The following HERC2 variants were observed in gnomAD, a reference collection of about 807,000 sequenced individuals.
HERC2 encodes E3 ubiquitin-protein ligase HERC2.
A neutral mutation model predicts 537.7 loss-of-function variants in HERC2; 102 were observed. The observed-to-expected ratio is 0.19, with a 90% CI of 0.16 to 0.22. The LOEUF is 0.22. HERC2 is among the 10% of genes least tolerant of loss of function. HERC2 has a pLI of 1.00. For synonymous variants in HERC2, 2,224 were observed against 2,466.2 expected (o/e 0.90, Z 2.91); for missense variants, 4,236 against 6,198.2 (o/e 0.68, Z 10.63).
At position 28,214,288 on chromosome 15, in the gene HERC2, G is replaced by A. The variant is rs1321501641; in HGVS notation, c.6359-16C>T. The A allele has an allele frequency of 1.2e-6, 2 of 1,606,460 alleles. No homozygotes were observed. The highest frequency in any genetic ancestry group is 1.7e-6 in the Non-Finnish European group (2 of 1,175,140). On this transcript the variant is annotated splice_polypyrimidine_tract_variant and intron_variant, in intron 40 of 92. Coordinates refer to ENST00000261609, the MANE Select transcript of HERC2 (RefSeq NM_004667.6). ...AGCGTGGACTCTGAGGAGGAAACCA[G>A]GGGAGAAGCTGCTGCACCGCTCTTC...
At chr15:28,145,122 C>T (rs1233597715) in intron 71 of HERC2, among the ~76,000 whole-genome samples, 2 of 152,236 alleles carry the variant, frequency 1.3e-5, no homozygotes, top group Non-Finnish European at 2.9e-5. Flanking sequence ...AGTGAGTGGC[C>T]TCCAGGTGTC....
chr15:28,202,056 T>C lies in HERC2; in HGVS notation c.7617+57A>G, dbSNP rs1357193110. 22 of 945,880 alleles carry C rather than the reference T, an allele frequency of 2.3e-5. No individual in the cohort carries two copies. The Admixed American group carries it at 2.7e-4, about 12-fold the overall frequency. 58.6% of individuals were successfully genotyped at this position (945,880 alleles called of 1,614,324 possible). A position where few individuals can be genotyped will look rare whatever the true frequency, so the allele number is the denominator to read the frequency against. On this transcript the variant is annotated intron_variant, in intron 47 of 92. Transcript: ENST00000261609. ...CAGAGAAAGCCAAGGTGTAAGACTGTTAGAGCGCTAGACGGACAGCGGCCC... is the reference window on the plus strand; with the variant it reads ...CAGAGAAAGCCAAGGTGTAAGACTGCTAGAGCGCTAGACGGACAGCGGCCC...
intron 83 of HERC2, among the ~76,000 whole-genome samples, chr15:28,129,388 TAG>T (rs1195924748): frequency 2.6e-5 from 4 of 152,088 alleles, no homozygotes; most frequent in Non-Finnish European, 5.9e-5. Context: ...GGAAGCTGGG[TAG>T]AGACTCCAGG....
chr15:28,121,372 G>A lies in HERC2; in HGVS notation c.13246C>T (p.Pro4416Ser). 1 of 1,614,146 alleles carries A rather than the reference G, an allele frequency of 6.2e-7. No individual in the cohort carries two copies. Among genetic ancestry groups the A allele is most frequent in the Non-Finnish European group, 8.5e-7 (1 of 1,180,026 alleles). Residue 4416 changes from proline to serine, a missense_variant, in exon 86 of 93, where the codon CCC becomes TCC. Pro to Ser is a moderately conservative substitution (Grantham distance 74). Transcript: ENST00000261609. ...TGGATGCGGTTCAGCTCCACGACGG[G>A]GCCATGCTGACGATCGCGTACCATA... ...ATMVRDRQHG[P>S]VVELNRIQVK...
chr15:28,122,100 A>G lies in HERC2; in HGVS notation c.13189-671T>C, dbSNP rs1888972780. 1.2e-5 allele frequency among the ~76,000 whole-genome samples: 1 copy of G among 81,090 alleles called. No homozygotes were observed. The highest frequency in any genetic ancestry group is 5.2e-5 in the African/African-American group (1 of 19,120). The allele number at this position is 81,090 out of a possible 152,430, so 53.2% of individuals were successfully genotyped here. A position where few individuals can be genotyped will look rare whatever the true frequency, so the allele number is the denominator to read the frequency against. ...GCCAGACCTTGGATCGGGACAGAAA[A>G]GACAGACCGGGGAGGGGAAACAAGG... On this transcript the variant is annotated intron_variant, in intron 85 of 92. Coordinates refer to ENST00000261609, the MANE Select transcript of HERC2 (RefSeq NM_004667.6). This position sits in a 1 kb window ranked among gnomAD's most constrained non-coding sequence, Gnocchi z 4.1.
intron 69 of HERC2, 93 bp from the exon 70 acceptor site, chr15:28,152,923 A>T (rs553267254): frequency 7.7e-7 from 1 of 1,292,528 alleles, no homozygotes; most frequent in East Asian, 2.5e-5. Context: ...CAGGAGCTCC[A>T]CAAGGACAGC....
At position 28,280,139 on chromosome 15, in the gene HERC2, G is replaced by A. The variant is rs147680647; in HGVS notation, c.471C>T (p.Thr157=). 1.2e-4 allele frequency: 196 copies of A among 1,614,102 alleles called. No homozygotes were observed. In the African/African-American group the frequency reaches 2.2e-3, roughly 18 times the overall value. Reference sequence around the variant, plus strand: ...TAACTTTGACATTCTCCTGAAAAACGGTTCTATTCAAGGCAATGAAATAGC... The same window carrying A: ...TAACTTTGACATTCTCCTGAAAAACAGTTCTATTCAAGGCAATGAAATAGC... The part of the protein sequence containing the change: ...LERYFIALNR[T]VFQENVKVKW... Residue 157 remains threonine, a synonymous_variant, in exon 5 of 93, where the codon ACC becomes ACT. Coordinates refer to ENST00000261609, the MANE Select transcript of HERC2 (RefSeq NM_004667.6).
chr15:28,254,916 G>A (rs1338656555), intron 19 of HERC2, among the ~76,000 whole-genome samples: 1 of 152,198 alleles, frequency 6.6e-6, no homozygotes, highest in Admixed American at 6.6e-5. Flanking sequence ...AAGCCACTTG[G>A]GGAAACTATG....
Position 28,113,743 on chromosome 15 carries a change from A to G in HERC2, c.13914-65T>C. The G allele has an allele frequency of 7.4e-7, 1 of 1,343,230 alleles. No individual in the cohort carries two copies. The highest frequency in any genetic ancestry group is 2.4e-5 in the East Asian group (1 of 42,278). The allele number at this position is 1,343,230 out of a possible 1,614,324, so 83.2% of individuals were successfully genotyped here. A position where few individuals can be genotyped will look rare whatever the true frequency, so the allele number is the denominator to read the frequency against. On this transcript the variant is annotated intron_variant, in intron 90 of 92. Transcript: ENST00000261609. This position sits in a 1 kb window ranked among gnomAD's most constrained non-coding sequence, Gnocchi z 7.0. ...ACACTGACTTTATGCTGCTCACACC[A>G]AGCCTTGGCATGCAGCACTGTGGCC...
At chr15:28,303,520 T>C (rs1419305819) in intron 2 of HERC2, among the ~76,000 whole-genome samples, 5 of 152,254 alleles carry the variant, frequency 3.3e-5, no homozygotes, top group Admixed American at 6.5e-5. Context: ...AGGATGGCTT[T>C]GGCTATTCTG....
intron 44 of HERC2, among the ~76,000 whole-genome samples, chr15:28,210,049 G>A (rs866587280): frequency 7.8e-6 from 1 of 128,588 alleles, no homozygotes; most frequent in Non-Finnish European, 1.6e-5. Flanking sequence ...TGCAACCTCC[G>A]CCCCCCGGTT....
intron 53 of HERC2, among the ~76,000 whole-genome samples, chr15:28,191,587 C>T (rs931908014): frequency 2.0e-5 from 3 of 152,166 alleles, no homozygotes; most frequent in Non-Finnish European, 2.9e-5. Context: ...GGTGCCTCCA[C>T]GCGTTGGTGT....
intron 75 of HERC2, 44 bp from the exon 76 acceptor site, chr15:28,142,437 C>T: frequency 6.3e-7 from 1 of 1,589,436 alleles, no homozygotes; most frequent in East Asian, 2.3e-5. Flanking sequence ...CTCAGAAATG[C>T]AGTGAACAGG....
intron 3 of HERC2, among the ~76,000 whole-genome samples, chr15:28,294,200 G>C (rs558869648): frequency 1.3e-4 from 20 of 152,218 alleles, no homozygotes; most frequent in African/African-American, 4.8e-4. Context: ...TAACTACCTA[G>C]AATTAGCACA....
chr15:28,258,958 C>T (rs1360386275), intron 16 of HERC2, among the ~76,000 whole-genome samples: 3 of 152,132 alleles, frequency 2.0e-5, no homozygotes, highest in African/African-American at 4.8e-5. Flanking sequence ...AAACTTGACA[C>T]GTAAAAATCA....
Position 28,268,433 on chromosome 15 carries a change from G to A in HERC2, c.1598+32C>T. Reference sequence around the variant, plus strand: ...TAGGATATGGCAACATAAAAGGAGAGTGTGTCCCCTACAGGAATAAGCGAT... The same window carrying A: ...TAGGATATGGCAACATAAAAGGAGAATGTGTCCCCTACAGGAATAAGCGAT... On this transcript the variant is annotated intron_variant, in intron 12 of 92. Transcript: ENST00000261609. This position sits in a 1 kb window ranked among gnomAD's most constrained non-coding sequence, Gnocchi z 4.7. 1.9e-6 allele frequency: 3 copies of A among 1,595,570 alleles called. No homozygotes were observed. Among genetic ancestry groups the A allele is most frequent in the Non-Finnish European group, 2.6e-6 (3 of 1,166,834 alleles).
chr15:28,136,196 GATTA>G (rs922555974), intron 78 of HERC2, among the ~76,000 whole-genome samples: 9 of 151,654 alleles, frequency 5.9e-5, no homozygotes, highest in African/African-American at 1.9e-4. Context: ...TTTAAAAAAT[GATTA>G]ATTTAAAAAC....
At chr15:28,201,083 G>A in intron 48 of HERC2, among the ~76,000 whole-genome samples, 1 of 149,384 alleles carries the variant, frequency 6.7e-6, no homozygotes, top group East Asian at 2.0e-4. Context: ...GGCTGCCCCT[G>A]AGCCCATCTG....
At position 28,265,324 on chromosome 15, in the gene HERC2, GTAA is replaced by G. The variant is rs1248366968; in HGVS notation, c.1870+291_1870+293del. ...CAAGAGTGGCCGAACGTTAAGAAATGTAATAATACTAACCAGAGACAATTCAGA... is the reference window on the plus strand; with the variant it reads ...CAAGAGTGGCCGAACGTTAAGAAATGTAATACTAACCAGAGACAATTCAGA... On this transcript the variant is annotated intron_variant, in intron 14 of 92. Coordinates refer to ENST00000261609, the MANE Select transcript of HERC2 (RefSeq NM_004667.6). This position sits in a 1 kb window ranked among gnomAD's most constrained non-coding sequence, Gnocchi z 4.0. Among the ~76,000 whole-genome samples the G allele has an allele frequency of 6.6e-6, 1 of 152,166 alleles. No individual in the cohort carries two copies.
Sources: gnomAD v4.1 joint callset for allele counts (sites outside exome capture counted in the v4.1 genomes callset) on GRCh38, gnomAD v4.1.1 for gene constraint, Gnocchi (gnomAD v3.1) non-coding constraint, MANE v1.5 for transcripts, NCBI Gene and HGNC (gene_info 2026-07-23, HGNC 2026-07-21) for gene names.